NCOA3: variants seen among roughly 807,000 people sequenced by gnomAD.
NCOA3 encodes the protein CBP-interacting protein.
In NCOA3, 51 loss-of-function variants were observed where a neutral mutation model predicts 158.8. That is an observed-to-expected ratio of 0.32 (90% CI 0.26 to 0.41). NCOA3 has a LOEUF of 0.41. NCOA3 is among the 10% of genes least tolerant of loss of function. The probability of loss-of-function intolerance (pLI) is 1.00; values close to 1 mark genes in which losing one functional copy is unlikely to be tolerated. For synonymous variants in NCOA3, 537 were observed against 592.4 expected, an observed-to-expected ratio of 0.91 and a Z score of 1.36; for missense variants, 1,510 against 1,746.6, an observed-to-expected ratio of 0.86 and a Z score of 2.41.
At chr20:47,538,860 AGAT>A (rs1232860109) in intron 1 of NCOA3, among the ~76,000 whole-genome samples, 2 of 152,246 alleles carry the variant, frequency 1.3e-5, no homozygotes, top group Non-Finnish European at 2.9e-5. Context: ...CTTCTCTTTC[AGAT>A]GAATCTAAAA....
In NCOA3 at chr20:47,653,239, CT is replaced by C. The variant is rs779383812; in HGVS notation, c.4264-163del. ...TTTGAAGGCATTGGGCCATTAGATA[CT>C]TTTGGTAAGCCAGAGCTGCATTGTA... On this transcript the variant is annotated intron_variant, in intron 22 of 22. Transcript: ENST00000371998. Among the ~76,000 whole-genome samples the C allele has an allele frequency of 2.6e-5, 4 of 152,228 alleles. No homozygotes were observed. The East Asian group carries it at 5.8e-4, about 22-fold the overall frequency.
intron 1 of NCOA3, among the ~76,000 whole-genome samples, chr20:47,515,633 C>T (rs1396494688): frequency 6.6e-6 from 1 of 151,868 alleles, no homozygotes; most frequent in Non-Finnish European, 1.5e-5. Flanking sequence ...TAGAGGCATG[C>T]ACCACCACTC....
chr20:47,624,459 GAATCT>G (rs1445209090), intron 4 of NCOA3, among the ~76,000 whole-genome samples: 2 of 152,188 alleles, frequency 1.3e-5, no homozygotes, highest in African/African-American at 4.8e-5. Flanking sequence ...ACACCTGTGA[GAATCT>G]AATGCTACTT....
intron 2 of NCOA3, among the ~76,000 whole-genome samples, chr20:47,594,833 C>T: frequency 7.1e-6 from 1 of 141,138 alleles, no homozygotes; most frequent in South Asian, 2.3e-4. Context: ...CTGTTGCCGC[C>T]CAGTCTGGAG....
At chr20:47,549,100 G>A (rs1409618427) in intron 1 of NCOA3, among the ~76,000 whole-genome samples, 2 of 151,982 alleles carry the variant, frequency 1.3e-5, no homozygotes, top group Non-Finnish European at 2.9e-5. Flanking sequence ...GTGGTCTCGA[G>A]CTCTTGGGCT....
Position 47,639,190 on chromosome 20 carries a change from G to A in NCOA3, c.2695G>A (p.Gly899Ser). ...PRMMDSQENY[G>S]SSMGGPNRNV... is the part of the protein sequence containing the mutation. ...AATGATGGATAGTCAGGAAAATTAT[G>A]GCTCAAGTATGGGTACGTTATTTCT... The change falls in exon 14 of 23, where the codon GGC becomes AGC. Residue 899 changes from glycine to serine, a missense_variant. Physicochemically the swap from Gly to Ser is moderately conservative, Grantham distance 56. Coordinates refer to ENST00000371998, the MANE Select transcript of NCOA3 (RefSeq NM_181659.3). The A allele has an allele frequency of 1.2e-6, 2 of 1,613,312 alleles. No homozygotes were observed. Among genetic ancestry groups the A allele is most frequent in the Non-Finnish European group, 1.7e-6 (2 of 1,179,412 alleles).
chr20:47,614,241 GA>G (rs1474260698), intron 2 of NCOA3, among the ~76,000 whole-genome samples: 1 of 152,098 alleles, frequency 6.6e-6, no homozygotes, highest in African/African-American at 2.4e-5. Flanking sequence ...TTAGGGTAGA[GA>G]AAAAAACCTT....
chr20:47,568,892 A>G (rs2085245366), intron 1 of NCOA3, among the ~76,000 whole-genome samples: 1 of 151,824 alleles, frequency 6.6e-6, no homozygotes, highest in African/African-American at 2.4e-5. Context: ...CTCAGTATTG[A>G]TGGATGCTGA....
chr20:47,586,424 CA>C (rs72645210), intron 2 of NCOA3, among the ~76,000 whole-genome samples: 16,056 of 151,956 alleles, frequency 0.11, 893 homozygotes, highest in Non-Finnish European at 0.12. Context: ...GGGTGAGTTA[CA>C]TATGTTATGC....
intron 1 of NCOA3, among the ~76,000 whole-genome samples, chr20:47,511,556 T>TATATATATACACACACACA (rs1569310943): frequency 3.3e-5 from 1 of 30,198 alleles, no homozygotes; most frequent in Non-Finnish European, 1.0e-4. Context: ...TATATATATA[T>TATATATATACACACACACA]TTCTTTTTTT....
intron 1 of NCOA3, among the ~76,000 whole-genome samples, chr20:47,555,707 C>T (rs1211412546): frequency 1.5e-5 from 2 of 136,962 alleles, no homozygotes; most frequent in African/African-American, 2.7e-5. Flanking sequence ...TGCACTATCT[C>T]GGTTCACTGC....
chr20:47,546,053 C>T (rs958605125), intron 1 of NCOA3, among the ~76,000 whole-genome samples: 4 of 152,018 alleles, frequency 2.6e-5, no homozygotes, highest in Admixed American at 2.6e-4. Context: ...TCTTTTGTTT[C>T]CTCACTTGTA....
intron 1 of NCOA3, among the ~76,000 whole-genome samples, chr20:47,566,324 T>TA (rs1368613706): frequency 6.6e-6 from 1 of 152,090 alleles, no homozygotes; most frequent in African/African-American, 2.4e-5. Flanking sequence ...ATAATGATAA[T>TA]AAAATAGTTA....
At chr20:47,578,127 A>G (rs1404821299) in intron 1 of NCOA3, among the ~76,000 whole-genome samples, 1 of 152,084 alleles carries the variant, frequency 6.6e-6, no homozygotes, top group East Asian at 1.9e-4. Context: ...GGAAAAAAAA[A>G]TTCTTAAACT....
intron 2 of NCOA3, among the ~76,000 whole-genome samples, chr20:47,596,247 G>A (rs959364561): frequency 7.9e-5 from 12 of 152,238 alleles, no homozygotes; most frequent in African/African-American, 2.6e-4. Flanking sequence ...CTTGAACAAT[G>A]TTTAGTTTTC....
intron 2 of NCOA3, among the ~76,000 whole-genome samples, chr20:47,605,895 T>C (rs2085939559): frequency 6.6e-6 from 1 of 152,234 alleles, no homozygotes; most frequent in African/African-American, 2.4e-5. Flanking sequence ...CTCCATGTTC[T>C]TTTGATCTCA....
chr20:47,641,303 G>A (rs889573902), intron 16 of NCOA3, among the ~76,000 whole-genome samples: 2 of 150,200 alleles, frequency 1.3e-5, no homozygotes, highest in Non-Finnish European at 3.0e-5. Context: ...CCAGACTCAC[G>A]TCAGTGATAG....
chr20:47,589,844 T>A (rs539481680), intron 2 of NCOA3, among the ~76,000 whole-genome samples: 1 of 152,260 alleles, frequency 6.6e-6, no homozygotes, highest in African/African-American at 2.4e-5. Context: ...CTAAGTGACC[T>A]TCCATCTGTG....
chr20:47,574,543 A>T (rs1248228337), intron 1 of NCOA3, among the ~76,000 whole-genome samples: 3 of 151,856 alleles, frequency 2.0e-5, no homozygotes, highest in African/African-American at 7.3e-5. Context: ...TGTTGGTGAA[A>T]TGAAAATTTA....
Sources: gnomAD v4.1 joint callset for allele counts (sites outside exome capture counted in the v4.1 genomes callset) on GRCh38, gnomAD v4.1.1 for gene constraint, MANE v1.5 for transcripts, NCBI Gene and HGNC (gene_info 2026-07-23, HGNC 2026-07-21) for gene names.